The following SLC16A6 variants were observed in gnomAD, a reference collection of about 807,000 sequenced individuals.
SLC16A6 encodes monocarboxylate transporter 7.
A neutral mutation model predicts 33.8 loss-of-function variants in SLC16A6; 15 were observed. The observed-to-expected ratio is 0.44, with a 90% CI of 0.30 to 0.68. The LOEUF (loss-of-function observed/expected upper bound fraction) is 0.68. Ranked by LOEUF, SLC16A6 falls within the 30% of genes least tolerant of loss-of-function variation. The pLI, the probability that SLC16A6 is intolerant of heterozygous loss-of-function variation, is 0.10. For synonymous variants in SLC16A6, 219 were observed against 248.4 expected (o/e 0.88, Z 1.11); for missense variants, 451 against 661.5 (o/e 0.68, Z 3.49).
At chr17:68,275,880 G>A (rs2075499096) in intron 2 of SLC16A6, among the ~76,000 whole-genome samples, 1 of 151,676 alleles carries the variant, frequency 6.6e-6, no homozygotes, top group Admixed American at 6.6e-5. Flanking sequence ...CTACTCGGGA[G>A]GCTAAGGCAG....
Position 68,270,907 on chromosome 17 carries a change from A to G in SLC16A6, c.1253T>C (p.Met418Thr). 2 of 1,614,240 alleles carry G rather than the reference A, an allele frequency of 1.2e-6. No individual in the cohort carries two copies. Among genetic ancestry groups the G allele is most frequent in the South Asian group, 1.1e-5 (1 of 91,088 alleles). ...AEDDVVGIEK[M>T]SSAAGVYIFI... ...GATGTAGACCCCAGCTGCAGAAGAC[A>G]TCTTCTCAATGCCCACGACATCATC... The change falls in exon 5 of 6, where the codon ATG (methionine) becomes ACG (threonine). Residue 418 changes from methionine to threonine, a missense_variant. This residue lies in a region of SLC16A6 where 46 missense variants were observed against 150.8 expected (regional missense o/e 0.31). Coordinates refer to ENST00000580666, the MANE Select transcript of SLC16A6 (RefSeq NM_004694.5).
At chr17:68,289,558 C>A (rs1197727998) in intron 1 of SLC16A6, among the ~76,000 whole-genome samples, 2 of 152,148 alleles carry the variant, frequency 1.3e-5, no homozygotes, top group African/African-American at 4.8e-5. Flanking sequence ...AAGGCGTAGC[C>A]CGGAGAACAG....
intron 1 of SLC16A6, among the ~76,000 whole-genome samples, chr17:68,284,103 C>CAAAAA (rs1189737736): frequency 1.8e-5 from 1 of 56,518 alleles, no homozygotes; most frequent in African/African-American, 6.4e-5. Context: ...GACTCTGTCT[C>CAAAAA]AAAAAAAAAA....
At chr17:68,274,921 C>T (rs959055496) in intron 2 of SLC16A6, among the ~76,000 whole-genome samples, 40 of 152,082 alleles carry the variant, frequency 2.6e-4, no homozygotes, top group Admixed American at 2.3e-3. Context: ...GCTGGGATTA[C>T]AGGCATGTGC....
Position 68,267,557 on chromosome 17 carries a change from T to C in SLC16A6, c.*1539A>G, listed in dbSNP as rs1189212180. The C allele has an allele frequency of 2.6e-5, 4 of 152,236 alleles. No individual in the cohort carries two copies. Among genetic ancestry groups the C allele is most frequent in the African/African-American group, 9.6e-5 (4 of 41,462 alleles). 9.4% of individuals were successfully genotyped at this position (152,236 alleles called of 1,614,324 possible). A position where few individuals can be genotyped will look rare whatever the true frequency, so the allele number is the denominator to read the frequency against. On this transcript the variant is annotated 3_prime_UTR_variant, in exon 6 of 6. Coordinates refer to ENST00000580666, the MANE Select transcript of SLC16A6 (RefSeq NM_004694.5). The stretch of plus-strand genomic sequence containing the variant: ...ACCTGTAACCAAACTAGGCTTGTTA[T>C]GTTTTTCCCCCTGAGTTGTCATAAA...
At chr17:68,286,961 A>G (rs910330752) in intron 1 of SLC16A6, among the ~76,000 whole-genome samples, 4 of 152,194 alleles carry the variant, frequency 2.6e-5, no homozygotes, top group African/African-American at 9.7e-5. Flanking sequence ...ATTCTATGAC[A>G]GCTGTTTAGA....
Position 68,271,893 on chromosome 17 carries a change from C to T in SLC16A6, c.506-239G>A, listed in dbSNP as rs1555749027. ...TCTCAGCTCACCGCAACCTCCACCTCCCGGGTTCAAGCGATTCTCCTGCCT... is the reference window on the plus strand; with the variant it reads ...TCTCAGCTCACCGCAACCTCCACCTTCCGGGTTCAAGCGATTCTCCTGCCT... On this transcript the variant is annotated intron_variant, in intron 4 of 5. Coordinates refer to ENST00000580666, the MANE Select transcript of SLC16A6 (RefSeq NM_004694.5). The surrounding 1 kb of genome is among the most constrained non-coding windows in gnomAD (Gnocchi z 5.3). Among the ~76,000 whole-genome samples the T allele has an allele frequency of 6.6e-6, 1 of 152,200 alleles. No individual in the cohort carries two copies. The highest frequency in any genetic ancestry group is 1.5e-5 in the Non-Finnish European group (1 of 68,028).
chr17:68,291,075 A>G lies in SLC16A6; in HGVS notation c.-8+11T>C, dbSNP rs1319364210. On this transcript the variant is annotated intron_variant, in intron 1 of 5. Coordinates refer to ENST00000580666, the MANE Select transcript of SLC16A6 (RefSeq NM_004694.5). ...AAACTTTTAAACATGTAAAATAATA[A>G]ACCAACTCACCAAGTTAGAAGGGAA... The G allele has an allele frequency of 1.3e-5, 2 of 152,308 alleles. No homozygotes were observed. The highest frequency in any genetic ancestry group is 4.8e-5 in the African/African-American group (2 of 41,582). The allele number at this position is 152,308 out of a possible 1,614,324, so 9.4% of individuals were successfully genotyped here.
intron 1 of SLC16A6, among the ~76,000 whole-genome samples, chr17:68,289,714 C>T (rs2075924956): frequency 6.6e-6 from 1 of 152,198 alleles, no homozygotes; most frequent in Non-Finnish European, 1.5e-5. Context: ...AACCGAGTCA[C>T]CATTTTACAA....
At chr17:68,269,691 T>TTTTTTTTTTTA (rs57001011) in intron 5 of SLC16A6, among the ~76,000 whole-genome samples, 3 of 148,912 alleles carry the variant, frequency 2.0e-5, no homozygotes, top group Non-Finnish European at 3.0e-5. Flanking sequence ...TTTTTTTTTT[T>TTTTTTTTTTTA]AGACAGAGTT....
chr17:68,290,790 G>A (rs1488309781), intron 1 of SLC16A6, among the ~76,000 whole-genome samples: 1 of 152,188 alleles, frequency 6.6e-6, no homozygotes, highest in Non-Finnish European at 1.5e-5. Flanking sequence ...CCCGGGGCAG[G>A]GGGCACTCAA....
chr17:68,276,415 T>C (rs1313918907), intron 2 of SLC16A6, among the ~76,000 whole-genome samples: 3 of 152,170 alleles, frequency 2.0e-5, no homozygotes, highest in Admixed American at 6.5e-5. Context: ...AGTGTAAACT[T>C]AGGGAAGTTT....
rs1252969624 is a variant in SLC16A6, at chr17:68,268,907, A to C, written c.*189T>G. 2 of 1,375,406 alleles carry C rather than the reference A, an allele frequency of 1.5e-6. No individual in the cohort carries two copies. Among genetic ancestry groups the C allele is most frequent in the African/African-American group, 2.9e-5 (2 of 68,542 alleles). 85.2% of individuals were successfully genotyped at this position (1,375,406 alleles called of 1,614,324 possible). A position where few individuals can be genotyped will look rare whatever the true frequency, so the allele number is the denominator to read the frequency against. Reference sequence around the variant, plus strand: ...TTTTGGCTTTAAAAACAAGCAAAAAAAAAAAGCTTAAAACAAAACAAAACA... The same window carrying C: ...TTTTGGCTTTAAAAACAAGCAAAAACAAAAAGCTTAAAACAAAACAAAACA... On this transcript the variant is annotated 3_prime_UTR_variant, in exon 6 of 6. Transcript: ENST00000580666.
At chr17:68,278,383 T>C in intron 1 of SLC16A6, 56 bp from the exon 2 acceptor site, 8 of 1,102,346 alleles carry the variant, frequency 7.3e-6, no homozygotes, top group Non-Finnish European at 1.1e-5. Context: ...GATCGATGAT[T>C]CTCATACTCT....
At chr17:68,278,379 T>C in intron 1 of SLC16A6, 52 bp from the exon 2 acceptor site, 11 of 1,160,512 alleles carry the variant, frequency 9.5e-6, no homozygotes, top group South Asian at 2.6e-5. Context: ...TGAGGATCGA[T>C]GATTCTCATA....
chr17:68,278,846 C>G (rs1291879213), intron 1 of SLC16A6, among the ~76,000 whole-genome samples: 1 of 152,064 alleles, frequency 6.6e-6, no homozygotes, highest in Non-Finnish European at 1.5e-5. Context: ...GCTCAAACTC[C>G]TGACCTCAAG....
intron 1 of SLC16A6, among the ~76,000 whole-genome samples, chr17:68,287,516 C>T (rs560652531): frequency 3.3e-5 from 5 of 152,214 alleles, no homozygotes; most frequent in African/African-American, 1.2e-4. Context: ...GAAGTTAATT[C>T]CTTAGTTTTT....
Position 68,268,793 on chromosome 17 carries a change from T to C in SLC16A6, c.*303A>G. The C allele has an allele frequency of 3.1e-6, 1 of 327,120 alleles. No homozygotes were observed. Among genetic ancestry groups the C allele is most frequent in the South Asian group, 4.8e-5 (1 of 20,980 alleles). 20.3% of individuals were successfully genotyped at this position (327,120 alleles called of 1,614,324 possible). On this transcript the variant is annotated 3_prime_UTR_variant, in exon 6 of 6. Transcript: ENST00000580666. ...TCATGTCACTATTTTAATATCGGAA[T>C]GTGAACCAAAGAGTCTTTCTACATA...
At chr17:68,279,825 T>G (rs2075635189) in intron 1 of SLC16A6, among the ~76,000 whole-genome samples, 1 of 152,210 alleles carries the variant, frequency 6.6e-6, no homozygotes, top group Non-Finnish European at 1.5e-5. Flanking sequence ...AAATTAATGA[T>G]ATCTATAATA....
Sources: gnomAD v4.1 joint callset for allele counts (sites outside exome capture counted in the v4.1 genomes callset) on GRCh38, gnomAD v4.1.1 for gene constraint, gnomAD v4.1.1 regional missense constraint, Gnocchi (gnomAD v3.1) non-coding constraint, MANE v1.5 for transcripts, NCBI Gene and HGNC (gene_info 2026-07-23, HGNC 2026-07-21) for gene names.